The following CDC42BPA variants were observed in gnomAD, a reference collection of about 807,000 sequenced individuals.
The protein encoded by CDC42BPA is CDC42 binding protein kinase alpha.
CDC42BPA carries 80 observed loss-of-function variants against 223.5 expected under a neutral mutation model. The ratio of observed to expected loss-of-function variants is 0.36; its 90% CI spans 0.30 to 0.43. The LOEUF (loss-of-function observed/expected upper bound fraction) is 0.43. Ranked by LOEUF, CDC42BPA falls within the 20% of genes least tolerant of loss-of-function variation. The pLI is 1.00. For missense variants in CDC42BPA, 1,743 were observed against 2,099.9 expected, an observed-to-expected ratio of 0.83 and a Z score of 3.32; for synonymous variants, 694 against 718.6, an observed-to-expected ratio of 0.97 and a Z score of 0.55.
chr1:227,017,123 A>C, intron 32 of CDC42BPA, 73 bp from the exon 33 acceptor site: 2 of 1,377,974 alleles, frequency 1.5e-6, no homozygotes, highest in Middle Eastern at 1.9e-4. Flanking sequence ...ATTAACCTCC[A>C]AGACAGTACA....
intron 1 of CDC42BPA, among the ~76,000 whole-genome samples, chr1:227,263,581 A>AT (rs200269802): frequency 0.061 from 8,170 of 134,942 alleles, 234 homozygotes; most frequent in Non-Finnish European, 0.074. Context: ...CTTGAGAATC[A>AT]ATTTTTTTTT....
chr1:227,141,157 C>A (rs1184386051), intron 9 of CDC42BPA, among the ~76,000 whole-genome samples: 3 of 152,042 alleles, frequency 2.0e-5, no homozygotes, highest in African/African-American at 7.2e-5. Flanking sequence ...ACAGTGACAT[C>A]GATAAAAGTA....
At chr1:227,208,756 T>C (rs1405435410) in intron 3 of CDC42BPA, among the ~76,000 whole-genome samples, 1 of 152,144 alleles carries the variant, frequency 6.6e-6, no homozygotes, top group Non-Finnish European at 1.5e-5. Context: ...TTGGTTACTG[T>C]AGCCTTGTAG....
chr1:227,237,035 C>A (rs77510649), intron 2 of CDC42BPA, among the ~76,000 whole-genome samples: 20,932 of 132,170 alleles, frequency 0.16, 1,914 homozygotes, highest in African/African-American at 0.25. Flanking sequence ...AGAATGAGAC[C>A]CGGTCTCCAC....
In CDC42BPA at chr1:226,994,071, C is replaced by G. The variant is rs1236756556; in HGVS notation, c.*197G>C. On this transcript the variant is annotated 3_prime_UTR_variant, in exon 37 of 37. Coordinates refer to ENST00000366766, the MANE Select transcript of CDC42BPA (RefSeq NM_001394014.1). The surrounding 1 kb of genome is among the most constrained non-coding windows in gnomAD (Gnocchi z 4.0). ...GTTAATCTAAGCTGCTACGGAAAGT[C>G]TGTCTTTGTTGTTGCTGTTAGGCTG... The G allele has an allele frequency of 1.9e-6, 1 of 533,402 alleles. No individual in the cohort carries two copies. The highest frequency in any genetic ancestry group is 3.3e-6 in the Non-Finnish European group (1 of 299,466). 33.0% of individuals were successfully genotyped at this position (533,402 alleles called of 1,614,324 possible). A position where few individuals can be genotyped will look rare whatever the true frequency, so the allele number is the denominator to read the frequency against.
chr1:227,228,178 C>T (rs1677187065), intron 2 of CDC42BPA, among the ~76,000 whole-genome samples: 2 of 152,196 alleles, frequency 1.3e-5, no homozygotes, highest in South Asian at 2.1e-4. Context: ...GCATGTGGAG[C>T]TTAATCACCT....
intron 1 of CDC42BPA, among the ~76,000 whole-genome samples, chr1:227,277,078 T>TAAAAA (rs199895591): frequency 9.5e-6 from 1 of 105,022 alleles, no homozygotes; most frequent in Non-Finnish European, 2.1e-5. Flanking sequence ...CAATAAATAC[T>TAAAAA]AAAAAAAAAA....
chr1:227,264,690 G>T, intron 1 of CDC42BPA: 1 of 641,882 alleles, frequency 1.6e-6, no homozygotes. Context: ...TTCAAGGTAA[G>T]AGGCTTTAAC....
intron 1 of CDC42BPA, among the ~76,000 whole-genome samples, chr1:227,272,037 T>C (rs1254729455): frequency 6.6e-6 from 1 of 152,240 alleles, no homozygotes; most frequent in Non-Finnish European, 1.5e-5. Flanking sequence ...AACTCTTTCA[T>C]ATGTTTAAAA....
chr1:227,120,171 G>GA (rs75557950), intron 11 of CDC42BPA, among the ~76,000 whole-genome samples: 133 of 126,206 alleles, frequency 1.1e-3, no homozygotes, highest in Middle Eastern at 4.0e-3. Flanking sequence ...TACTCATTAG[G>GA]AAAAAAAAAA....
chr1:227,089,633 T>TG (rs1170602316), intron 16 of CDC42BPA, among the ~76,000 whole-genome samples: 2 of 134,454 alleles, frequency 1.5e-5, no homozygotes, highest in African/African-American at 5.6e-5. Flanking sequence ...TTCCGTTTTT[T>TG]TTTTTTTTTT....
chr1:227,060,036 T>TTG (rs1287112028), intron 21 of CDC42BPA, among the ~76,000 whole-genome samples: 32 of 143,524 alleles, frequency 2.2e-4, no homozygotes, highest in Middle Eastern at 3.5e-3. Context: ...TTTTGTTTTT[T>TTG]TTTTTTTTTT....
chr1:227,286,277 C>T (rs1240230727), intron 1 of CDC42BPA, among the ~76,000 whole-genome samples: 2 of 152,192 alleles, frequency 1.3e-5, no homozygotes, highest in African/African-American at 2.4e-5. Flanking sequence ...TAGAAGCAGT[C>T]ATATCATTCT....
At chr1:227,018,274 A>T (rs1037150703) in intron 32 of CDC42BPA, among the ~76,000 whole-genome samples, 7 of 152,172 alleles carry the variant, frequency 4.6e-5, no homozygotes, top group Non-Finnish European at 1.0e-4. Flanking sequence ...TTTGAGAATT[A>T]TGAGGGTAAA....
chr1:227,135,755 G>A (rs1179606389), intron 10 of CDC42BPA, among the ~76,000 whole-genome samples: 3 of 151,642 alleles, frequency 2.0e-5, no homozygotes, highest in Admixed American at 2.0e-4. Flanking sequence ...TCAGGAGGCT[G>A]AGGCAGGAGA....
chr1:227,087,485 T>G (rs1364514980), intron 16 of CDC42BPA, among the ~76,000 whole-genome samples: 2 of 152,222 alleles, frequency 1.3e-5, no homozygotes, highest in Non-Finnish European at 2.9e-5. Flanking sequence ...ACTTCTAACT[T>G]TACTCAAAAT....
In CDC42BPA at chr1:227,317,238, T is replaced by A; in HGVS notation, c.-56A>T. On this transcript the variant is annotated 5_prime_UTR_variant, in exon 1 of 37. Coordinates refer to ENST00000366766, the MANE Select transcript of CDC42BPA (RefSeq NM_001394014.1). Reference sequence around the variant, plus strand: ...AAATTATTATGATGACTTTTACTATTATCTGAACCTAAATTTTAAAAGGTA... The same window carrying A: ...AAATTATTATGATGACTTTTACTATAATCTGAACCTAAATTTTAAAAGGTA... 1 of 1,527,196 alleles carries A rather than the reference T, an allele frequency of 6.5e-7. No homozygotes were observed. Among genetic ancestry groups the A allele is most frequent in the East Asian group, 2.3e-5 (1 of 43,896 alleles). The allele number at this position is 1,527,196 out of a possible 1,614,324, so 94.6% of individuals were successfully genotyped here.
intron 12 of CDC42BPA, among the ~76,000 whole-genome samples, chr1:227,117,328 T>C (rs925829537): frequency 2.0e-5 from 3 of 152,130 alleles, no homozygotes; most frequent in Non-Finnish European, 4.4e-5. Context: ...TGCATTTTTT[T>C]CCCCCTGAGA....
intron 2 of CDC42BPA, chr1:227,234,879 G>A (rs1056272258): frequency 5.3e-5 from 8 of 151,562 alleles, no homozygotes; most frequent in East Asian, 1.9e-4. Flanking sequence ...ACACAAATAC[G>A]TAAACTTTCT....
Sources: gnomAD v4.1 joint callset for allele counts (sites outside exome capture counted in the v4.1 genomes callset) on GRCh38, gnomAD v4.1.1 for gene constraint, Gnocchi (gnomAD v3.1) non-coding constraint, MANE v1.5 for transcripts, NCBI Gene and HGNC (gene_info 2026-07-23, HGNC 2026-07-21) for gene names.